ZNF385B: variants seen among roughly 807,000 people sequenced by gnomAD.
ZNF385B encodes zinc finger protein 533.
Under a neutral mutation model 39.2 loss-of-function variants are expected in ZNF385B, and 23 were observed. That is an observed-to-expected ratio of 0.59 (90% CI 0.42 to 0.83). ZNF385B has a LOEUF of 0.83. Ranked by LOEUF, ZNF385B falls within the 40% of genes least tolerant of loss-of-function variation. The pLI is 0.00. For missense variants in ZNF385B, 552 were observed against 598.9 expected, an observed-to-expected ratio of 0.92 and a Z score of 0.82; for synonymous variants, 205 against 222.6, an observed-to-expected ratio of 0.92 and a Z score of 0.70.
chr2:179,776,881 G>C (rs1704354144), intron 1 of ZNF385B, among the ~76,000 whole-genome samples: 1 of 151,998 alleles, frequency 6.6e-6, no homozygotes, highest in Non-Finnish European at 1.5e-5. Context: ...AACAGGCTGG[G>C]ACATTTATGT....
At chr2:179,524,893 C>CT (rs1311371821) in intron 4 of ZNF385B, among the ~76,000 whole-genome samples, 2 of 151,914 alleles carry the variant, frequency 1.3e-5, no homozygotes, top group African/African-American at 2.4e-5. Flanking sequence ...TTTTCTTTTT[C>CT]TTTTTTCTAG....
At chr2:179,804,807 C>T (rs7570985) in intron 1 of ZNF385B, among the ~76,000 whole-genome samples, 42,784 of 152,142 alleles carry the variant, frequency 0.28, 6,203 homozygotes, top group African/African-American at 0.29. Context: ...TATCCAAACA[C>T]ATTATGCTCC....
intron 3 of ZNF385B, among the ~76,000 whole-genome samples, chr2:179,564,651 T>C (rs1684345458): frequency 6.6e-6 from 1 of 152,196 alleles, no homozygotes; most frequent in African/African-American, 2.4e-5. Context: ...GGCTTATGAT[T>C]TCTCCAGCAA....
chr2:179,752,734 T>G (rs1702757651), intron 3 of ZNF385B, among the ~76,000 whole-genome samples: 1 of 152,162 alleles, frequency 6.6e-6, no homozygotes, highest in Non-Finnish European at 1.5e-5. Flanking sequence ...TGTCTTCTTT[T>G]GAGAAGTGTC....
At chr2:179,763,912 T>C (rs1703543371) in intron 3 of ZNF385B, among the ~76,000 whole-genome samples, 1 of 152,190 alleles carries the variant, frequency 6.6e-6, no homozygotes, top group Admixed American at 6.5e-5. Flanking sequence ...AATAGCTGTA[T>C]AGGCACTTGG....
At chr2:179,702,193 T>A (rs1699260444) in intron 3 of ZNF385B, among the ~76,000 whole-genome samples, 2 of 152,128 alleles carry the variant, frequency 1.3e-5, no homozygotes, top group Admixed American at 6.5e-5. Flanking sequence ...TAGATAATTT[T>A]AAAAAAAGAT....
chr2:179,717,143 A>G (rs144813586), intron 3 of ZNF385B, among the ~76,000 whole-genome samples: 84 of 152,368 alleles, frequency 5.5e-4, no homozygotes, highest in African/African-American at 1.9e-3. Context: ...TATTCAAAAA[A>G]AAATTAGAAC....
intron 3 of ZNF385B, among the ~76,000 whole-genome samples, chr2:179,567,788 C>T (rs1395111070): frequency 1.3e-5 from 2 of 152,178 alleles, no homozygotes; most frequent in Admixed American, 6.5e-5. Context: ...ATTGGCAAGT[C>T]GTGTTGTCTC....
intron 4 of ZNF385B, among the ~76,000 whole-genome samples, chr2:179,527,373 T>G (rs1417451938): frequency 1.3e-5 from 2 of 152,216 alleles, no homozygotes; most frequent in Admixed American, 1.3e-4. Context: ...TAATTCCATA[T>G]TGTTAGGTCT....
At chr2:179,672,223 C>A (rs1035211685) in intron 3 of ZNF385B, among the ~76,000 whole-genome samples, 1 of 152,190 alleles carries the variant, frequency 6.6e-6, no homozygotes, top group African/African-American at 2.4e-5. Flanking sequence ...TTTCTTCTTT[C>A]CTATTTCTCT....
At chr2:179,578,356 G>A (rs1686079885) in intron 3 of ZNF385B, among the ~76,000 whole-genome samples, 2 of 152,036 alleles carry the variant, frequency 1.3e-5, no homozygotes, top group Non-Finnish European at 2.9e-5. Flanking sequence ...TCTCCTTTCT[G>A]AGTACACACT....
At chr2:179,836,842 T>C (rs1419941788) in intron 1 of ZNF385B, among the ~76,000 whole-genome samples, 1 of 152,160 alleles carries the variant, frequency 6.6e-6, no homozygotes, top group Non-Finnish European at 1.5e-5. Flanking sequence ...GAAACAAAAG[T>C]ATACTTGCAA....
At chr2:179,598,518 G>A (rs540967128) in intron 3 of ZNF385B, among the ~76,000 whole-genome samples, 45 of 152,018 alleles carry the variant, frequency 3.0e-4, no homozygotes, top group South Asian at 1.0e-3. Context: ...TGAGTAAATC[G>A]TGATATATTT....
chr2:179,473,604 A>G (rs535530209), intron 6 of ZNF385B, among the ~76,000 whole-genome samples: 4 of 152,254 alleles, frequency 2.6e-5, no homozygotes, highest in Admixed American at 2.0e-4. Context: ...TACCTGTGCC[A>G]TGGTGGTTTG....
chr2:179,759,323 G>A (rs1703228642), intron 3 of ZNF385B, among the ~76,000 whole-genome samples: 3 of 152,282 alleles, frequency 2.0e-5, no homozygotes, highest in African/African-American at 4.8e-5. Context: ...TTGATGCAGA[G>A]GCTCCTAGTT....
intron 4 of ZNF385B, among the ~76,000 whole-genome samples, chr2:179,529,104 G>C (rs1404123463): frequency 6.6e-6 from 1 of 152,180 alleles, no homozygotes; most frequent in Non-Finnish European, 1.5e-5. Context: ...AGTTTTAAAT[G>C]AGTAAACTAA....
At chr2:179,729,882 T>C (rs112347626) in intron 3 of ZNF385B, among the ~76,000 whole-genome samples, 70 of 152,264 alleles carry the variant, frequency 4.6e-4, no homozygotes, top group African/African-American at 1.6e-3. Context: ...CCTGCCACCG[T>C]GTAAGATGTA....
chr2:179,509,751 G>T lies in ZNF385B; in HGVS notation c.552+8777C>A, dbSNP rs1033647583. Among the ~76,000 whole-genome samples, 8 of 152,132 alleles carry T rather than the reference G, an allele frequency of 5.3e-5. No individual in the cohort carries two copies. The South Asian group carries it at 6.2e-4, about 12-fold the overall frequency. Reference sequence around the variant, plus strand: ...TTATATTTCTTGACAGAATCAGTTGGTTTTTTCAAACTTACAGTATTATTC... The same window carrying T: ...TTATATTTCTTGACAGAATCAGTTGTTTTTTTCAAACTTACAGTATTATTC... On this transcript the variant is annotated intron_variant, in intron 5 of 9. Coordinates refer to ENST00000410066, the MANE Select transcript of ZNF385B (RefSeq NM_152520.6).
At chr2:179,685,788 T>C (rs985339686) in intron 3 of ZNF385B, among the ~76,000 whole-genome samples, 3 of 152,232 alleles carry the variant, frequency 2.0e-5, no homozygotes, top group African/African-American at 4.8e-5. Context: ...TGCTAAACAT[T>C]ACATGATTTT....
Sources: gnomAD v4.1 joint callset for allele counts (sites outside exome capture counted in the v4.1 genomes callset) on GRCh38, gnomAD v4.1.1 for gene constraint, MANE v1.5 for transcripts, NCBI Gene and HGNC (gene_info 2026-07-23, HGNC 2026-07-21) for gene names.